CACNG2: variants seen among roughly 807,000 people sequenced by gnomAD.
The protein encoded by CACNG2 is calcium voltage-gated channel auxiliary subunit gamma 2.
A neutral mutation model predicts 25.9 loss-of-function variants in CACNG2; 3 were observed. The observed-to-expected ratio is 0.12, with a 90% CI of 0.05 to 0.30. The LOEUF (loss-of-function observed/expected upper bound fraction) is 0.30, where lower values mean the gene tolerates loss of function less well. Among genes scored for constraint, CACNG2 ranks in the 10% least tolerant of loss-of-function variants. The pLI is 1.00. For missense variants in CACNG2, 341 were observed against 432.5 expected (o/e 0.79, Z 1.88); for synonymous variants, 167 against 173.3 (o/e 0.96, Z 0.29).
chr22:36,699,082 T>C (rs1937377230), intron 1 of CACNG2, among the ~76,000 whole-genome samples: 1 of 152,142 alleles, frequency 6.6e-6, no homozygotes, highest in African/African-American at 2.4e-5. Flanking sequence ...GAGGGCCAAT[T>C]CATCTTTCCA....
chr22:36,582,121 AAC>A (rs1935427455), intron 2 of CACNG2, among the ~76,000 whole-genome samples: 2 of 152,236 alleles, frequency 1.3e-5, no homozygotes, highest in Non-Finnish European at 2.9e-5. Flanking sequence ...AAATTATAGC[AAC>A]AGAGTTTTAA....
intron 1 of CACNG2, among the ~76,000 whole-genome samples, chr22:36,674,566 C>T (rs1297263399): frequency 2.0e-5 from 3 of 152,186 alleles, no homozygotes; most frequent in Admixed American, 1.3e-4. Flanking sequence ...TGAGCTTAAG[C>T]GATCCACCTG....
intron 1 of CACNG2, among the ~76,000 whole-genome samples, chr22:36,648,715 A>G (rs2145973142): frequency 6.6e-6 from 1 of 152,300 alleles, no homozygotes; most frequent in Admixed American, 6.5e-5. Flanking sequence ...CCATCTCAGT[A>G]AACGGCCCTG....
In CACNG2 at chr22:36,564,228, T is replaced by TTTTTTTG. The variant is rs1358369610; in HGVS notation, c.*116_*122dup. On this transcript the variant is annotated 3_prime_UTR_variant, in exon 4 of 4. Coordinates refer to ENST00000300105, the MANE Select transcript of CACNG2 (RefSeq NM_006078.5). This position sits in a 1 kb window ranked among gnomAD's most constrained non-coding sequence, Gnocchi z 6.7. ...GTTTTTTTGTTTTTTGTTTTTTTGT[T>TTTTTTTG]TTTTTTGTTTTTTGTTTTTGCTTTT... The TTTTTTTG allele has an allele frequency of 1.9e-4, 159 of 826,936 alleles. 2 individuals are homozygous for TTTTTTTG. In the African/African-American group the frequency reaches 2.6e-3, roughly 13 times the overall value. The allele number at this position is 826,936 out of a possible 1,614,324, so 51.2% of individuals were successfully genotyped here. A position where few individuals can be genotyped will look rare whatever the true frequency, so the allele number is the denominator to read the frequency against.
At chr22:36,701,074 C>T (rs1047169263) in intron 1 of CACNG2, among the ~76,000 whole-genome samples, 8 of 152,186 alleles carry the variant, frequency 5.3e-5, no homozygotes, top group Non-Finnish European at 8.8e-5. Context: ...TCCCCCATCT[C>T]CTAGTCTCAA....
rs535713686 is a variant in CACNG2 at position 36,606,733 on chromosome 22, C to T, written c.212-19185G>A. ...GAAGCCAGAAGTGTCATTTAGAGGA[C>T]GGAAACCAGACGGTTGGGCTGTGCG... On this transcript the variant is annotated intron_variant, in intron 1 of 3. Coordinates refer to ENST00000300105, the MANE Select transcript of CACNG2 (RefSeq NM_006078.5). This position sits in a 1 kb window ranked among gnomAD's most constrained non-coding sequence, Gnocchi z 5.7. Among the ~76,000 whole-genome samples the T allele has an allele frequency of 2.6e-5, 4 of 151,024 alleles. No homozygotes were observed. The South Asian group carries it at 6.3e-4, about 24-fold the overall frequency.
At position 36,564,982 on chromosome 22, in the gene CACNG2, C is replaced by G; in HGVS notation, c.437-96G>C. 1 of 1,096,776 alleles carries G rather than the reference C, an allele frequency of 9.1e-7. No individual in the cohort carries two copies. Among genetic ancestry groups the G allele is most frequent in the East Asian group, 2.3e-5 (1 of 42,632 alleles). The allele number at this position is 1,096,776 out of a possible 1,614,324, so 67.9% of individuals were successfully genotyped here. ...GGGCAGCCGTAAAGGACGGGGACAG[C>G]TGTGTGGGCCTTCCCCGGTCCCGCG... On this transcript the variant is annotated intron_variant, in intron 3 of 3. Transcript: ENST00000300105. This position sits in a 1 kb window ranked among gnomAD's most constrained non-coding sequence, Gnocchi z 6.7.
intron 1 of CACNG2, among the ~76,000 whole-genome samples, chr22:36,609,538 GC>G (rs1276267813): frequency 7.7e-6 from 1 of 129,132 alleles, no homozygotes; most frequent in Non-Finnish European, 1.6e-5. Context: ...GCAGGAATCA[GC>G]CCCCCAGAGC....
At position 36,563,653 on chromosome 22, in the gene CACNG2, A is replaced by G. The variant is rs532034696; in HGVS notation, c.*698T>C. On this transcript the variant is annotated 3_prime_UTR_variant, in exon 4 of 4. Transcript: ENST00000300105. ...CTGGAGGCCTACGATTGCCCCATCA[A>G]TGCTGGGCGGAGCCGGCTCGAGCTC... 1.3e-5 allele frequency among the ~76,000 whole-genome samples: 2 copies of G among 152,126 alleles called. No homozygotes were observed. Among genetic ancestry groups the G allele is most frequent in the Admixed American group, 6.5e-5 (1 of 15,302 alleles).
intron 1 of CACNG2, among the ~76,000 whole-genome samples, chr22:36,617,178 G>C (rs574764630): frequency 6.6e-6 from 1 of 152,206 alleles, no homozygotes; most frequent in Non-Finnish European, 1.5e-5. Context: ...ATTTCTCCAT[G>C]TTCCAGTCTT....
At chr22:36,620,861 A>G (rs1286542207) in intron 1 of CACNG2, among the ~76,000 whole-genome samples, 1 of 152,222 alleles carries the variant, frequency 6.6e-6, no homozygotes, top group East Asian at 1.9e-4. Context: ...TACTATTCCA[A>G]TCCTTATCCT....
chr22:36,686,193 C>A (rs1316813663), intron 1 of CACNG2, among the ~76,000 whole-genome samples: 1 of 152,128 alleles, frequency 6.6e-6, no homozygotes, highest in African/African-American at 2.4e-5. Flanking sequence ...CTTGGATGGG[C>A]CCCTGTCTAA....
At chr22:36,638,773 C>T (rs888733901) in intron 1 of CACNG2, among the ~76,000 whole-genome samples, 2 of 152,200 alleles carry the variant, frequency 1.3e-5, no homozygotes, top group East Asian at 1.9e-4. Flanking sequence ...CTGCTTCCCA[C>T]GATATCCCCA....
chr22:36,635,857 TG>T (rs1936349328), intron 1 of CACNG2, among the ~76,000 whole-genome samples: 1 of 152,204 alleles, frequency 6.6e-6, no homozygotes, highest in Non-Finnish European at 1.5e-5. Context: ...GGAGTCATCC[TG>T]GATATTTCCC....
intron 1 of CACNG2, among the ~76,000 whole-genome samples, chr22:36,604,288 T>C (rs1298977649): frequency 6.6e-6 from 1 of 152,206 alleles, no homozygotes; most frequent in East Asian, 1.9e-4. Context: ...TGGCTTTTTA[T>C]GGATAAGCAA....
At chr22:36,605,917 G>T (rs898445257) in intron 1 of CACNG2, among the ~76,000 whole-genome samples, 11 of 152,180 alleles carry the variant, frequency 7.2e-5, no homozygotes, top group African/African-American at 2.7e-4. Context: ...CAACCCCAGA[G>T]TCCCTGGAGT....
At chr22:36,582,432 T>C (rs1194005041) in intron 2 of CACNG2, among the ~76,000 whole-genome samples, 19 of 148,674 alleles carry the variant, frequency 1.3e-4, no homozygotes, top group Admixed American at 6.7e-4. Context: ...TGAGACAGAG[T>C]TTTGCTCTTG....
chr22:36,652,517 G>C (rs1339200112), intron 1 of CACNG2, among the ~76,000 whole-genome samples: 1 of 152,092 alleles, frequency 6.6e-6, no homozygotes, highest in East Asian at 1.9e-4. Flanking sequence ...CTCACCCTCA[G>C]GCCTCAGGCT....
At chr22:36,657,100 G>A (rs544062832) in intron 1 of CACNG2, among the ~76,000 whole-genome samples, 1 of 152,336 alleles carries the variant, frequency 6.6e-6, no homozygotes, top group East Asian at 1.9e-4. Context: ...TCAGGTAGTG[G>A]TTGGGTTGCT....
Sources: allele counts gnomAD v4.1 joint callset (sites outside exome capture counted in the v4.1 genomes callset), GRCh38; gene constraint gnomAD v4.1.1; non-coding constraint Gnocchi (gnomAD v3.1); transcripts MANE v1.5; gene names NCBI Gene and HGNC (gene_info 2026-07-23, HGNC 2026-07-21).